WWOX: variants seen among roughly 807,000 people sequenced by gnomAD.
WWOX encodes the protein WW domain containing oxidoreductase, also known as WW domain-containing oxidoreductase.
A neutral mutation model predicts 46.2 loss-of-function variants in WWOX; 69 were observed. The observed-to-expected ratio is 1.49, with a 90% CI of 1.23 to 1.82. The LOEUF (loss-of-function observed/expected upper bound fraction) is 1.82, where lower values mean the gene tolerates loss of function less well. WWOX is among the 40% of genes most tolerant of loss of function. WWOX has a pLI of 0.00. For synonymous variants in WWOX, 359 were observed against 202.6 expected, an observed-to-expected ratio of 1.77 and a Z score of -6.56; for missense variants, 919 against 542.6, an observed-to-expected ratio of 1.69 and a Z score of -6.89.
chr16:79,144,452 A>T (rs906408286), intron 8 of WWOX, among the ~76,000 whole-genome samples: 2 of 152,218 alleles, frequency 1.3e-5, no homozygotes, highest in Admixed American at 1.3e-4. Flanking sequence ...CATTCTGAAG[A>T]TGAAATGGGA....
At position 79,212,253 on chromosome 16, in the gene WWOX, A is replaced by G. The variant is rs1331430168; in HGVS notation, c.*457A>G. 1.1e-5 allele frequency: 14 copies of G among 1,323,836 alleles called. No homozygotes were observed. Among genetic ancestry groups the G allele is most frequent in the East Asian group, 2.5e-5 (1 of 39,608 alleles). 82.0% of individuals were successfully genotyped at this position (1,323,836 alleles called of 1,614,324 possible). On this transcript the variant is annotated 3_prime_UTR_variant, in exon 9 of 9. Transcript: ENST00000566780. ...GCTCCTTGCTGCATTGATCCAGGAG[A>G]TAATTGTTTCATTCATCCTGACCAA...
At chr16:79,052,228 C>T (rs1014696712) in intron 8 of WWOX, among the ~76,000 whole-genome samples, 4 of 150,796 alleles carry the variant, frequency 2.7e-5, no homozygotes, top group Non-Finnish European at 5.9e-5. Flanking sequence ...TGTGATATTC[C>T]CCTTCCTGTG....
intron 8 of WWOX, among the ~76,000 whole-genome samples, chr16:79,114,699 G>A (rs1256195502): frequency 6.6e-6 from 1 of 152,078 alleles, no homozygotes. Flanking sequence ...CTTTGTTATG[G>A]CAGCCCCAGG....
At chr16:78,619,105 G>T (rs1323162639) in intron 8 of WWOX, among the ~76,000 whole-genome samples, 7 of 117,598 alleles carry the variant, frequency 6.0e-5, no homozygotes, top group African/African-American at 1.0e-4. Context: ...AAACCAGCCT[G>T]GCCAACGTGG....
intron 8 of WWOX, among the ~76,000 whole-genome samples, chr16:78,842,921 A>T (rs9922613): frequency 0.82 from 123,050 of 149,404 alleles, 51,967 homozygotes; most frequent in Middle Eastern, 0.87. Flanking sequence ...TAGAAAAAAG[A>T]AAGAAATATG....
chr16:79,101,834 G>A (rs990718912), intron 8 of WWOX: 9 of 151,096 alleles, frequency 6.0e-5, no homozygotes, highest in African/African-American at 9.8e-5. Context: ...TAAGAGAAAC[G>A]TGTTTTATGG....
At chr16:78,768,513 T>C (rs2049981755) in intron 8 of WWOX, among the ~76,000 whole-genome samples, 1 of 151,694 alleles carries the variant, frequency 6.6e-6, no homozygotes, top group Admixed American at 6.6e-5. Context: ...TCACTTGAAC[T>C]TGGGAGGCAA....
intron 8 of WWOX, among the ~76,000 whole-genome samples, chr16:79,019,157 C>CAAAA (rs903333994): frequency 0.028 from 695 of 24,520 alleles, 45 homozygotes; most frequent in African/African-American, 0.05. Context: ...GACCTTGTCT[C>CAAAA]AAAAAAAAAA....
At chr16:78,851,099 T>G (rs2052432419) in intron 8 of WWOX, among the ~76,000 whole-genome samples, 1 of 152,164 alleles carries the variant, frequency 6.6e-6, no homozygotes, top group Admixed American at 6.5e-5. Context: ...TTCCAGAAGC[T>G]TGCCTGTGGT....
chr16:78,918,076 C>G (rs749366796), intron 8 of WWOX, among the ~76,000 whole-genome samples: 34 of 151,880 alleles, frequency 2.2e-4, no homozygotes, highest in African/African-American at 8.2e-4. Context: ...GTGGTGCATG[C>G]TTGTAGTCCC....
chr16:78,274,958 G>A (rs2079549858), intron 5 of WWOX, among the ~76,000 whole-genome samples: 1 of 152,074 alleles, frequency 6.6e-6, no homozygotes, highest in Non-Finnish European at 1.5e-5. Flanking sequence ...CTCGTTTTCA[G>A]TTTTTATTAA....
At chr16:78,413,058 C>T (rs1003752342) in intron 6 of WWOX, among the ~76,000 whole-genome samples, 3 of 152,152 alleles carry the variant, frequency 2.0e-5, no homozygotes, top group Non-Finnish European at 2.9e-5. Flanking sequence ...ATGTAACCAC[C>T]TAATGGGTTC....
intron 8 of WWOX, among the ~76,000 whole-genome samples, chr16:78,553,941 G>A (rs1294317015): frequency 6.6e-6 from 1 of 152,048 alleles, no homozygotes; most frequent in African/African-American, 2.4e-5. Flanking sequence ...GTGTAGAAAG[G>A]TCGGGTGTCA....
chr16:78,844,915 C>G (rs1214352392), intron 8 of WWOX, among the ~76,000 whole-genome samples: 1 of 152,162 alleles, frequency 6.6e-6, no homozygotes, highest in Non-Finnish European at 1.5e-5. Context: ...TGCTGACTCT[C>G]AGGATCTTTG....
chr16:79,168,958 G>A (rs927900110), intron 8 of WWOX, among the ~76,000 whole-genome samples: 1 of 152,154 alleles, frequency 6.6e-6, no homozygotes, highest in African/African-American at 2.4e-5. Flanking sequence ...TTTGAAAACT[G>A]GCCCACTGTA....
intron 5 of WWOX, among the ~76,000 whole-genome samples, chr16:78,365,079 T>G (rs989583744): frequency 3.9e-5 from 6 of 152,228 alleles, no homozygotes; most frequent in Admixed American, 1.3e-4. Context: ...AACTAGTTTA[T>G]GAGCTTAAGT....
intron 8 of WWOX, among the ~76,000 whole-genome samples, chr16:78,725,352 T>C (rs987594031): frequency 5.8e-5 from 8 of 138,114 alleles, no homozygotes; most frequent in South Asian, 2.4e-4. Flanking sequence ...TTCTTTTTTT[T>C]TTTTTTTTTT....
At chr16:79,163,059 A>G (rs971838654) in intron 8 of WWOX, among the ~76,000 whole-genome samples, 17 of 152,220 alleles carry the variant, frequency 1.1e-4, no homozygotes, top group African/African-American at 4.1e-4. Flanking sequence ...ATCCAAACAC[A>G]CAGGATGAGG....
At chr16:78,394,630 G>A (rs757205532) in intron 6 of WWOX, among the ~76,000 whole-genome samples, 1 of 152,206 alleles carries the variant, frequency 6.6e-6, no homozygotes, top group Non-Finnish European at 1.5e-5. Flanking sequence ...CTTCTTGTAA[G>A]GGGCCAGAGA....
Sources: allele counts gnomAD v4.1 joint callset (sites outside exome capture counted in the v4.1 genomes callset), GRCh38; gene constraint gnomAD v4.1.1; transcripts MANE v1.5; gene names NCBI Gene and HGNC (gene_info 2026-07-23, HGNC 2026-07-21).